The following WFDC1 variants were observed in gnomAD, a reference collection of about 807,000 sequenced individuals.
WFDC1 encodes the protein WAP four-disulfide core domain 1.
In WFDC1, 39 loss-of-function variants were observed where a neutral mutation model predicts 32.9. The ratio of observed to expected loss-of-function variants is 1.19; its 90% CI spans 0.92 to 1.55. The LOEUF (loss-of-function observed/expected upper bound fraction) is 1.55. Ranked by LOEUF, WFDC1 falls within the 40% of genes most tolerant of loss-of-function variation. WFDC1 has a pLI of 0.00. For missense variants in WFDC1, 386 were observed against 309.5 expected, an observed-to-expected ratio of 1.25 and a Z score of -1.85; for synonymous variants, 184 against 137.4, an observed-to-expected ratio of 1.34 and a Z score of -2.37.
intron 1 of WFDC1, 113 bp downstream of exon 1, chr16:84,295,228 C>A: frequency 1.4e-6 from 2 of 1,391,218 alleles, no homozygotes; most frequent in Non-Finnish European, 1.9e-6. Context: ...CAAAACGTGG[C>A]AAGGCAGGCG....
Position 84,319,550 on chromosome 16 carries a change from G to C in WFDC1, c.541G>C (p.Val181Leu), listed in dbSNP as rs35464240. The C allele has an allele frequency of 6.2e-7, 1 of 1,612,756 alleles. No individual in the cohort carries two copies. Among genetic ancestry groups the C allele is most frequent in the South Asian group, 1.1e-5 (1 of 91,078 alleles). The change falls in exon 4 of 7, where the codon GTC (valine) becomes CTC (leucine). Residue 181 changes from valine (V) to leucine (L), a missense_variant. Physicochemically the swap from Val to Leu is conservative, Grantham distance 32 (BLOSUM62 1). Coordinates refer to ENST00000219454, the MANE Select transcript of WFDC1 (RefSeq NM_021197.4). Reference sequence around the variant, plus strand: ...AGGTATCCCCAACCGTGGGCAGTGCGTCAAGCAGCGCCGGCAAGCAGGTGA... The same window carrying C: ...AGGTATCCCCAACCGTGGGCAGTGCCTCAAGCAGCGCCGGCAAGCAGGTGA... ...AEGIPNRGQCVKQRRQADGRI... is the reference protein window; with the variant it reads ...AEGIPNRGQCLKQRRQADGRI...
chr16:84,301,059 C>G (rs1389379454), intron 1 of WFDC1, among the ~76,000 whole-genome samples: 1 of 151,808 alleles, frequency 6.6e-6, no homozygotes, highest in African/African-American at 2.4e-5. Flanking sequence ...TTGCAGAGGT[C>G]AGAGTGATGT....
intron 1 of WFDC1, among the ~76,000 whole-genome samples, chr16:84,308,112 G>A (rs72802667): frequency 0.045 from 6,806 of 152,270 alleles, 194 homozygotes; most frequent in Non-Finnish European, 0.064. Flanking sequence ...GGGTGAAGCA[G>A]GGATGGGGGC....
chr16:84,310,458 C>T (rs573040752), intron 1 of WFDC1, among the ~76,000 whole-genome samples: 4 of 152,062 alleles, frequency 2.6e-5, no homozygotes, highest in Non-Finnish European at 4.4e-5. Context: ...GGATGATGTG[C>T]CCTCGCTCTG....
intron 2 of WFDC1, chr16:84,317,987 C>A: frequency 5.9e-6 from 2 of 341,598 alleles, no homozygotes; most frequent in Non-Finnish European, 1.1e-5. Context: ...GCAGAGAGCC[C>A]CGATTGGAGG....
At chr16:84,323,303 G>A (rs1210991366) in intron 4 of WFDC1, among the ~76,000 whole-genome samples, 4 of 152,210 alleles carry the variant, frequency 2.6e-5, no homozygotes, top group African/African-American at 7.2e-5. Context: ...TCTGGCTACC[G>A]CGCATATGTG....
intron 4 of WFDC1, among the ~76,000 whole-genome samples, chr16:84,321,972 G>A (rs1459887736): frequency 1.3e-5 from 2 of 152,204 alleles, no homozygotes; most frequent in Admixed American, 6.5e-5. Flanking sequence ...GCTTGAGTGA[G>A]AGAAACACGT....
At chr16:84,308,187 C>G (rs553652665) in intron 1 of WFDC1, among the ~76,000 whole-genome samples, 1 of 152,282 alleles carries the variant, frequency 6.6e-6, no homozygotes, top group African/African-American at 2.4e-5. Flanking sequence ...CATTCCTGCT[C>G]TCTGCCCCTC....
At chr16:84,312,590 A>T (rs969558961) in intron 1 of WFDC1, among the ~76,000 whole-genome samples, 1 of 152,146 alleles carries the variant, frequency 6.6e-6, no homozygotes, top group African/African-American at 2.4e-5. Flanking sequence ...ATATGTGTGT[A>T]CGTATATGTA....
intron 5 of WFDC1, chr16:84,326,012 A>G (rs1298462558): frequency 2.7e-5 from 4 of 148,062 alleles, no homozygotes; most frequent in East Asian, 2.1e-4. Context: ...CCATCCACCC[A>G]TATATCCATC....
intron 5 of WFDC1, chr16:84,326,103 A>G (rs1253255113): frequency 1.2e-4 from 3 of 24,274 alleles, no homozygotes; most frequent in African/African-American, 3.3e-4. Context: ...CCACCCACCC[A>G]TCTATCCATC....
At chr16:84,313,236 G>A in intron 2 of WFDC1, 83 bp downstream of exon 2, 1 of 1,283,136 alleles carries the variant, frequency 7.8e-7, no homozygotes, top group Non-Finnish European at 9.9e-7. Context: ...GAAAGGAGCT[G>A]GGCTTAAAGC....
intron 1 of WFDC1, among the ~76,000 whole-genome samples, chr16:84,307,312 C>T (rs564243355): frequency 6.6e-6 from 1 of 152,314 alleles, no homozygotes; most frequent in East Asian, 1.9e-4. Context: ...GTTTAGAACC[C>T]TCTTTGAGTG....
rs1907744848 is a variant in WFDC1 at position 84,313,142 on chromosome 16, C to T, written c.326C>T (p.Pro109Leu). 1.4e-6 allele frequency: 2 copies of T among 1,433,136 alleles called. No homozygotes were observed. Among genetic ancestry groups the T allele is most frequent in the Non-Finnish European group, 1.8e-6 (2 of 1,101,604 alleles). The allele number at this position is 1,433,136 out of a possible 1,614,324, so 88.8% of individuals were successfully genotyped here. The part of the protein sequence containing the change: ...GCAYACLEAV[P>L]PPPVLDWLVQ... Reference sequence around the variant, plus strand: ...GCCTACGCCTGCCTAGAAGCTGTGCCGCCCCCGCCAGGTAGGTCCTGGGCC... The same window carrying T: ...GCCTACGCCTGCCTAGAAGCTGTGCTGCCCCCGCCAGGTAGGTCCTGGGCC... Residue 109 changes from proline to leucine, a missense_variant, in exon 2 of 7, where the codon CCG becomes CTG. Transcript: ENST00000219454.
chr16:84,323,314 C>T (rs537686790), intron 4 of WFDC1, among the ~76,000 whole-genome samples: 1 of 152,192 alleles, frequency 6.6e-6, no homozygotes, highest in Non-Finnish European at 1.5e-5. Context: ...CGCATATGTG[C>T]TTGATTAACC....
At chr16:84,302,382 A>G (rs546782261) in intron 1 of WFDC1, among the ~76,000 whole-genome samples, 70 of 152,206 alleles carry the variant, frequency 4.6e-4, no homozygotes, top group Non-Finnish European at 8.2e-4. Context: ...ATATTTTACC[A>G]CAATAATTTT....
chr16:84,304,458 C>T (rs929915074), intron 1 of WFDC1, among the ~76,000 whole-genome samples: 14 of 152,136 alleles, frequency 9.2e-5, no homozygotes, highest in Middle Eastern at 3.2e-3. Context: ...GAACTCCTGA[C>T]CTCAGGTGAT....
At chr16:84,309,220 G>T (rs566622335) in intron 1 of WFDC1, among the ~76,000 whole-genome samples, 2 of 152,194 alleles carry the variant, frequency 1.3e-5, no homozygotes. Context: ...GACAAGGAGG[G>T]TCGGGGCGAT....
intron 4 of WFDC1, among the ~76,000 whole-genome samples, chr16:84,322,347 A>G (rs985846014): frequency 1.3e-5 from 2 of 152,126 alleles, no homozygotes; most frequent in Non-Finnish European, 2.9e-5. Flanking sequence ...AATTCCAGCA[A>G]CTTCCCTTGG....
Sources: gnomAD v4.1 joint callset for allele counts (sites outside exome capture counted in the v4.1 genomes callset) on GRCh38, gnomAD v4.1.1 for gene constraint, MANE v1.5 for transcripts, NCBI Gene and HGNC (gene_info 2026-07-23, HGNC 2026-07-21) for gene names.